Variants in CSNK2A2IP observed in about 807,000 individuals in gnomAD.
CSNK2A2IP encodes casein kinase II subunit alpha'-interacting protein.
At chr3:88,357,781 G>T in the CSNK2A2IP span, among the ~76,000 whole-genome samples, 1 of 151,412 alleles carries the variant, frequency 6.6e-6, no homozygotes, top group African/African-American at 2.4e-5. Flanking sequence ...TTGAGATGGG[G>T]TCTGGCTCTG....
At chr3:88,368,716 T>C in the CSNK2A2IP span, among the ~76,000 whole-genome samples, 2 of 152,080 alleles carry the variant, frequency 1.3e-5, no homozygotes, top group South Asian at 4.1e-4. Flanking sequence ...CCAGAGTTTA[T>C]TTCTTCTTTT....
chr3:88,348,244 T>A, the CSNK2A2IP span, among the ~76,000 whole-genome samples: 45 of 152,190 alleles, frequency 3.0e-4, 1 homozygote, highest in South Asian at 7.2e-3. Flanking sequence ...TGCAGCTTTA[T>A]GTAATTATGT....
At chr3:88,368,768 C>T in the CSNK2A2IP span, among the ~76,000 whole-genome samples, 6 of 152,050 alleles carry the variant, frequency 3.9e-5, no homozygotes, top group Admixed American at 3.9e-4. Flanking sequence ...TTGATCTGTA[C>T]CCCTTGAAGG....
chr3:88,399,416 A>G, the CSNK2A2IP span, among the ~76,000 whole-genome samples: 3 of 152,220 alleles, frequency 2.0e-5, no homozygotes. Flanking sequence ...TAGGGTAGCC[A>G]AACGCCTCAC....
the CSNK2A2IP span, among the ~76,000 whole-genome samples, chr3:88,367,929 A>C: frequency 6.6e-6 from 1 of 152,040 alleles, no homozygotes; most frequent in African/African-American, 2.4e-5. Flanking sequence ...TTTGACCTTT[A>C]ATCCTAGTTT....
At chr3:88,362,301 T>A in the CSNK2A2IP span, among the ~76,000 whole-genome samples, 1 of 152,210 alleles carries the variant, frequency 6.6e-6, no homozygotes, top group Non-Finnish European at 1.5e-5. Flanking sequence ...CCTTGCTCAC[T>A]GCAGCTTTTT....
the CSNK2A2IP span, among the ~76,000 whole-genome samples, chr3:88,426,889 TGG>T: frequency 4.0e-5 from 5 of 123,740 alleles, no homozygotes; most frequent in South Asian, 2.9e-4. Flanking sequence ...CCACGGGGGA[TGG>T]GGGGGGGCGG....
the CSNK2A2IP span, among the ~76,000 whole-genome samples, chr3:88,425,184 A>C: frequency 0.021 from 3,224 of 152,170 alleles, 57 homozygotes; most frequent in Middle Eastern, 0.048. Flanking sequence ...CATTTTCTAG[A>C]GAAGAGCAAC....
At chr3:88,359,766 TG>T in the CSNK2A2IP span, among the ~76,000 whole-genome samples, 6 of 152,210 alleles carry the variant, frequency 3.9e-5, no homozygotes, top group African/African-American at 1.2e-4. Flanking sequence ...TTTTTAAAGA[TG>T]TTTTTTGTGG....
At chr3:88,358,159 A>T in the CSNK2A2IP span, among the ~76,000 whole-genome samples, 11 of 152,290 alleles carry the variant, frequency 7.2e-5, no homozygotes, top group African/African-American at 2.6e-4. Flanking sequence ...GCATATAGAA[A>T]TGCTACTGAT....
At chr3:88,417,259 C>CT in the CSNK2A2IP span, among the ~76,000 whole-genome samples, 11 of 151,970 alleles carry the variant, frequency 7.2e-5, no homozygotes, top group East Asian at 3.9e-4. Flanking sequence ...TTTATTCATC[C>CT]TTTTTTTTAC....
chr3:88,342,056 T>G, the CSNK2A2IP span, among the ~76,000 whole-genome samples: 1 of 151,978 alleles, frequency 6.6e-6, no homozygotes, highest in Non-Finnish European at 1.5e-5. Flanking sequence ...GTTTGATGGT[T>G]TTTATTTGTA....
At chr3:88,452,076 G>A in the CSNK2A2IP span, among the ~76,000 whole-genome samples, 1 of 151,992 alleles carries the variant, frequency 6.6e-6, no homozygotes, top group African/African-American at 2.4e-5. Flanking sequence ...TACTGTGAGA[G>A]GAAAGAATAA....
chr3:88,412,507 T>C, the CSNK2A2IP span, among the ~76,000 whole-genome samples: 1 of 152,044 alleles, frequency 6.6e-6, no homozygotes, highest in African/African-American at 2.4e-5. Context: ...GTTTCAGTTA[T>C]TGGGAGTGAT....
chr3:88,424,307 A>G, the CSNK2A2IP span, among the ~76,000 whole-genome samples: 2 of 152,034 alleles, frequency 1.3e-5, no homozygotes, highest in African/African-American at 4.8e-5. Context: ...TATAGAAACA[A>G]CTCTAGTTAC....
chr3:88,414,244 A>C, the CSNK2A2IP span, among the ~76,000 whole-genome samples: 2 of 146,994 alleles, frequency 1.4e-5, no homozygotes, highest in Non-Finnish European at 3.0e-5. Context: ...GGAAACCTAA[A>C]ATATCAGCAA....
the CSNK2A2IP span, among the ~76,000 whole-genome samples, chr3:88,392,365 C>T: frequency 5.2e-3 from 785 of 151,960 alleles, 8 homozygotes; most frequent in African/African-American, 0.018. Context: ...GCTATTAAAG[C>T]CCAATGAAAG....
the CSNK2A2IP span, among the ~76,000 whole-genome samples, chr3:88,380,793 A>G: frequency 6.6e-6 from 1 of 152,186 alleles, no homozygotes; most frequent in Non-Finnish European, 1.5e-5. Context: ...AGAAAAAGAG[A>G]GTAAAGGGTG....
At chr3:88,454,603 G>C in the CSNK2A2IP span, among the ~76,000 whole-genome samples, 1 of 151,558 alleles carries the variant, frequency 6.6e-6, no homozygotes, top group Non-Finnish European at 1.5e-5. Flanking sequence ...TTTACTTTGA[G>C]GTATGAATCA....
Sources: gnomAD v4.1 joint callset for allele counts (sites outside exome capture counted in the v4.1 genomes callset) on GRCh38, gnomAD v4.1.1 for gene constraint, MANE v1.5 for transcripts, NCBI Gene and HGNC (gene_info 2026-07-23, HGNC 2026-07-21) for gene names.